The following IKZF4 variants were observed in gnomAD, a reference collection of about 807,000 sequenced individuals.
IKZF4 encodes zinc finger protein Eos.
Under a neutral mutation model 47.7 loss-of-function variants are expected in IKZF4, and 11 were observed. The observed-to-expected ratio is 0.23, with a 90% CI of 0.15 to 0.38. The LOEUF is 0.38. IKZF4 is among the 10% of genes least tolerant of loss of function. The pLI is 1.00. For synonymous variants in IKZF4, 298 were observed against 299.4 expected, an observed-to-expected ratio of 1.00 and a Z score of 0.05; for missense variants, 557 against 784.9, an observed-to-expected ratio of 0.71 and a Z score of 3.47.
At chr12:56,030,425 C>T (rs994310062) in intron 5 of IKZF4, among the ~76,000 whole-genome samples, 1 of 150,006 alleles carries the variant, frequency 6.7e-6, no homozygotes, top group African/African-American at 2.5e-5. Context: ...AGTGAGACCC[C>T]ATCTTGGGGA....
chr12:56,013,724 G>A (rs1891633974), intron 2 of IKZF4, among the ~76,000 whole-genome samples: 1 of 152,184 alleles, frequency 6.6e-6, no homozygotes, highest in Non-Finnish European at 1.5e-5. Flanking sequence ...GGCGGGATGT[G>A]CTGCAGGGAG....
At chr12:56,025,006 G>C (rs1893714252) in intron 2 of IKZF4, 48 bp from the exon 3 acceptor site, 1 of 1,553,360 alleles carries the variant, frequency 6.4e-7, no homozygotes, top group Non-Finnish European at 8.7e-7. Flanking sequence ...ATGGACAGTA[G>C]ATATCTCCAG....
At chr12:56,030,136 T>C (rs1026290764) in intron 5 of IKZF4, among the ~76,000 whole-genome samples, 5 of 151,916 alleles carry the variant, frequency 3.3e-5, no homozygotes, top group African/African-American at 1.2e-4. Flanking sequence ...ACGGAGTAGG[T>C]TGGGTGCAGT....
intron 1 of IKZF4, 124 bp downstream of exon 1, chr12:56,021,704 G>GTGTGTA: frequency 8.7e-7 from 1 of 1,144,118 alleles, no homozygotes; most frequent in Non-Finnish European, 1.2e-6. Context: ...GTGTGTGTGT[G>GTGTGTA]TGTGTGTGTG....
At position 56,032,401 on chromosome 12, in the gene IKZF4, G is replaced by A. The variant is rs376201910; in HGVS notation, c.716-160G>A. The A allele has an allele frequency of 7.1e-5, 47 of 658,382 alleles. 1 individual carries two copies. The South Asian group carries it at 7.2e-4, about 10-fold the overall frequency. 40.8% of individuals were successfully genotyped at this position (658,382 alleles called of 1,614,324 possible). A position where few individuals can be genotyped will look rare whatever the true frequency, so the allele number is the denominator to read the frequency against. ...CATCAAATATTGTTCATCTGTCCGC[G>A]GTTGCAGTTGAAGTTGGGAAATGAA... On this transcript the variant is annotated intron_variant, in intron 5 of 7. Coordinates refer to ENST00000547167, the MANE Select transcript of IKZF4 (RefSeq NM_022465.4).
At chr12:56,032,963 A>C (rs577176861) in intron 6 of IKZF4, among the ~76,000 whole-genome samples, 64 of 152,158 alleles carry the variant, frequency 4.2e-4, no homozygotes, top group Non-Finnish European at 1.2e-4. Flanking sequence ...TGGGAGAGAG[A>C]GAACACAAGA....
intron 6 of IKZF4, 31 bp from the exon 7 acceptor site, chr12:56,033,156 ACTG>A: frequency 6.2e-7 from 1 of 1,609,976 alleles, no homozygotes; most frequent in Non-Finnish European, 8.5e-7. Flanking sequence ...CCCCTACTCA[ACTG>A]CTACTACTGT....
At chr12:56,010,159 G>GCTTTATTGT in intron 1 of IKZF4, 1 of 152,162 alleles carries the variant, frequency 6.6e-6, no homozygotes, top group Non-Finnish European at 1.5e-5. Context: ...TGTGGACAAT[G>GCTTTATTGT]CCACAGGCAG....
rs1895680084 is a variant in IKZF4, at chr12:56,036,967, C to G, written c.*1636C>G. The G allele has an allele frequency of 6.6e-6, 1 of 152,188 alleles. No homozygotes were observed. The highest frequency in any genetic ancestry group is 1.5e-5 in the Non-Finnish European group (1 of 68,028). 9.4% of individuals were successfully genotyped at this position (152,188 alleles called of 1,614,324 possible). A position where few individuals can be genotyped will look rare whatever the true frequency, so the allele number is the denominator to read the frequency against. Reference sequence around the variant, plus strand: ...ACAAGTTGTAACTCTTGGTCCTTCTCTCTCTCCTTTTCTCTTCCCTTCCTT... The same window carrying G: ...ACAAGTTGTAACTCTTGGTCCTTCTGTCTCTCCTTTTCTCTTCCCTTCCTT... On this transcript the variant is annotated 3_prime_UTR_variant, in exon 8 of 8. Transcript: ENST00000547167.
intron 2 of IKZF4, 113 bp downstream of exon 2, chr12:56,023,877 C>T (rs11171724): frequency 4.0e-6 from 6 of 1,513,690 alleles, no homozygotes; most frequent in Non-Finnish European, 5.3e-6. Flanking sequence ...CTCTTTCTCT[C>T]TTCCATATTT....
rs1895695681 is a variant in IKZF4, at chr12:56,037,183, A to G, written c.*1852A>G. On this transcript the variant is annotated 3_prime_UTR_variant, in exon 8 of 8. Coordinates refer to ENST00000547167, the MANE Select transcript of IKZF4 (RefSeq NM_022465.4). ...TTCTTATGGGAAGGGAGACCCTAAA[A>G]AACTTTCTCCTCTTTGTCCTCCTTT... is the stretch of plus-strand genomic sequence containing the variant. 1.3e-5 allele frequency: 2 copies of G among 152,520 alleles called. No individual in the cohort carries two copies. Among genetic ancestry groups the G allele is most frequent in the South Asian group, 4.1e-4 (2 of 4,830 alleles). The allele number at this position is 152,520 out of a possible 1,614,324, so 9.4% of individuals were successfully genotyped here. A position where few individuals can be genotyped will look rare whatever the true frequency, so the allele number is the denominator to read the frequency against.
chr12:56,028,078 A>T (rs570831272), intron 5 of IKZF4, 131 bp downstream of exon 5: 2 of 1,030,884 alleles, frequency 1.9e-6, no homozygotes, highest in African/African-American at 1.7e-5. Context: ...TACAGAGCAG[A>T]TAGGGCCCCC....
Position 56,033,176 on chromosome 12 carries a change from C to T in IKZF4, c.866-14C>T, listed in dbSNP as rs1895144435. 1 of 1,613,430 alleles carries T rather than the reference C, an allele frequency of 6.2e-7. No individual in the cohort carries two copies. The highest frequency in any genetic ancestry group is 1.1e-5 in the South Asian group (1 of 91,068). ...ACTCAACTGCTACTACTGTCTCCAC[C>T]TTCTTCCCACTAGGTGACGAAATAC... On this transcript the variant is annotated splice_polypyrimidine_tract_variant and intron_variant, in intron 6 of 7. Transcript: ENST00000547167.
chr12:56,021,688 CT>C, intron 1 of IKZF4, 108 bp downstream of exon 1: 2 of 657,814 alleles, frequency 3.0e-6, no homozygotes, highest in African/African-American at 2.3e-5. Flanking sequence ...AGGATGGGGG[CT>C]GTGTGTGTGT....
chr12:56,033,379 G>A, intron 7 of IKZF4, 58 bp downstream of exon 7: 1 of 1,604,790 alleles, frequency 6.2e-7, no homozygotes, highest in Admixed American at 1.7e-5. Context: ...ATAAATCTGA[G>A]CTGTGTGGTC....
At chr12:56,023,884 A>C (rs1592940771) in intron 2 of IKZF4, 120 bp downstream of exon 2, 1 of 1,507,450 alleles carries the variant, frequency 6.6e-7, no homozygotes, top group East Asian at 2.5e-5. Flanking sequence ...TCTCTTCCAT[A>C]TTTAGGCCTG....
rs911773068 is a variant in IKZF4 at position 56,036,709 on chromosome 12, G to A, written c.*1378G>A. Reference sequence around the variant, plus strand: ...TCTACACTCAGCTCCCAGACACAGGGTAGGAGGGGGGACTGCTGGCTACTG... The same window carrying A: ...TCTACACTCAGCTCCCAGACACAGGATAGGAGGGGGGACTGCTGGCTACTG... On this transcript the variant is annotated 3_prime_UTR_variant, in exon 8 of 8. Transcript: ENST00000547167. 1 of 152,128 alleles carries A rather than the reference G, an allele frequency of 6.6e-6. No homozygotes were observed. Among genetic ancestry groups the A allele is most frequent in the African/African-American group, 2.4e-5 (1 of 41,390 alleles). 9.4% of individuals were successfully genotyped at this position (152,128 alleles called of 1,614,324 possible). A position where few individuals can be genotyped will look rare whatever the true frequency, so the allele number is the denominator to read the frequency against.
At chr12:56,033,978 C>T (rs1895312342) in intron 7 of IKZF4, among the ~76,000 whole-genome samples, 1 of 152,088 alleles carries the variant, frequency 6.6e-6, no homozygotes. Flanking sequence ...CGGCTCACTG[C>T]AACCTCTGTC....
rs921535651 is a variant in IKZF4, at chr12:56,021,365, G to A, written c.-129G>A. The A allele has an allele frequency of 3.9e-6, 6 of 1,545,526 alleles. No homozygotes were observed. The highest frequency in any genetic ancestry group is 2.0e-5 in the Admixed American group (1 of 50,828). ...TGAGCTGCTCTTGCTGGCTGCAGCC[G>A]TGGGCCTCTGCTCACCGTGCCGCTG... On this transcript the variant is annotated 5_prime_UTR_variant, in exon 1 of 8. The change creates a new upstream start codon in the 5' untranslated region. Coordinates refer to ENST00000547167, the MANE Select transcript of IKZF4 (RefSeq NM_022465.4).
Sources: gnomAD v4.1 joint callset for allele counts (sites outside exome capture counted in the v4.1 genomes callset) on GRCh38, gnomAD v4.1.1 for gene constraint, MANE v1.5 for transcripts, NCBI Gene and HGNC (gene_info 2026-07-23, HGNC 2026-07-21) for gene names.